NUP98: variants seen among roughly 807,000 people sequenced by gnomAD.
NUP98 encodes the protein nuclear pore complex protein Nup98-Nup96.
In NUP98, 26 loss-of-function variants were observed where a neutral mutation model predicts 191.9. The observed-to-expected ratio is 0.14, with a 90% confidence interval of 0.10 to 0.19. The LOEUF is 0.19. Ranked by LOEUF, NUP98 falls within the 10% of genes least tolerant of loss-of-function variation. The pLI, the probability that NUP98 is intolerant of heterozygous loss-of-function variation, is 1.00. For synonymous variants in NUP98, 808 were observed against 778.4 expected, an observed-to-expected ratio of 1.04 and a Z score of -0.63; for missense variants, 1,941 against 2,178.8, an observed-to-expected ratio of 0.89 and a Z score of 2.17.
At chr11:3,785,462 T>C (rs148195344) in intron 1 of NUP98, among the ~76,000 whole-genome samples, 39 of 152,246 alleles carry the variant, frequency 2.6e-4, no homozygotes, top group African/African-American at 8.9e-4. Context: ...TTACTTCCTC[T>C]ATTAACAATA....
At chr11:3,717,938 T>C (rs1333269962) in intron 18 of NUP98, among the ~76,000 whole-genome samples, 2 of 152,104 alleles carry the variant, frequency 1.3e-5, no homozygotes, top group Non-Finnish European at 2.9e-5. Context: ...CTTTTGGCCA[T>C]GATGTGTAAT....
intron 28 of NUP98, among the ~76,000 whole-genome samples, chr11:3,688,361 G>A (rs927605288): frequency 7.9e-5 from 12 of 151,694 alleles, no homozygotes; most frequent in South Asian, 6.3e-4. Flanking sequence ...AGCCTAGTTC[G>A]CGCCACTGCA....
chr11:3,780,972 C>A, intron 2 of NUP98, among the ~76,000 whole-genome samples: 1 of 151,080 alleles, frequency 6.6e-6, no homozygotes. Context: ...CCCAGCTACT[C>A]GGGGGGCTGA....
chr11:3,778,198 C>CACAA (rs780046817), intron 4 of NUP98, among the ~76,000 whole-genome samples: 1 of 60,542 alleles, frequency 1.7e-5, no homozygotes, highest in African/African-American at 5.9e-5. Flanking sequence ...GACTCCATCT[C>CACAA]AAAAAAAAAA....
chr11:3,773,088 C>A (rs2081585222), intron 6 of NUP98, among the ~76,000 whole-genome samples: 1 of 152,082 alleles, frequency 6.6e-6, no homozygotes, highest in Non-Finnish European at 1.5e-5. Context: ...CCCAGTGTAA[C>A]AGAAGCAACA....
chr11:3,675,014 AG>A (rs2077763541), downstream of NUP98: 3 of 168,280 alleles, frequency 1.8e-5, no homozygotes, highest in Admixed American at 1.3e-4. Context: ...AGCCAATACC[AG>A]GAATGCTATA....
At chr11:3,738,087 C>CAAAAAAAAA (rs61502115) in intron 12 of NUP98, among the ~76,000 whole-genome samples, 141 of 69,724 alleles carry the variant, frequency 2.0e-3, no homozygotes, top group African/African-American at 6.7e-3. Context: ...TGGGCGTTCT[C>CAAAAAAAAA]AAAAAAAAAA....
At chr11:3,779,840 A>C (rs2081892478) in intron 2 of NUP98, among the ~76,000 whole-genome samples, 1 of 151,792 alleles carries the variant, frequency 6.6e-6, no homozygotes, top group African/African-American at 2.4e-5. Context: ...GTTAAAAAAA[A>C]GTGCTGGCCG....
At chr11:3,712,081 A>G in intron 20 of NUP98, 1 of 1,051,400 alleles carries the variant, frequency 9.5e-7, no homozygotes, top group Non-Finnish European at 1.1e-6. Flanking sequence ...GTACTATTAA[A>G]ATACAAATAT....
intron 12 of NUP98, among the ~76,000 whole-genome samples, chr11:3,742,036 G>A (rs1176137176): frequency 6.6e-6 from 1 of 152,212 alleles, no homozygotes; most frequent in Admixed American, 6.5e-5. Context: ...GGACATAGCA[G>A]TTCTCACTGA....
intron 11 of NUP98, among the ~76,000 whole-genome samples, chr11:3,747,642 T>A (rs1327904268): frequency 6.6e-6 from 1 of 152,206 alleles, no homozygotes; most frequent in Non-Finnish European, 1.5e-5. Flanking sequence ...ATCTTATGTA[T>A]CTGTACATTT....
In NUP98 at chr11:3,676,563, T is replaced by C. The variant is rs768977660; in HGVS notation, c.5131A>G (p.Ser1711Gly). Residue 1711 changes from serine (S) to glycine (G), a missense_variant, in exon 32 of 33, where the codon AGT becomes GGT. By Grantham distance (56) the Ser-to-Gly change is moderately conservative. Around this residue, in one of 6 missense-constraint regions of NUP98, gnomAD observed 1,030 missense variants for 1,115.8 expected, o/e 0.92. Coordinates refer to ENST00000324932, the MANE Select transcript of NUP98 (RefSeq NM_016320.5). ...QLHIKVTSLCSRIEQIQCYSA... is the reference protein window; with the variant it reads ...QLHIKVTSLCGRIEQIQCYSA... ...TAACACTGAATCTGCTCTATCCGAC[T>C]GCACAGTGAAGTCACTTTGATGTGT... 10 of 1,614,234 alleles carry C rather than the reference T, an allele frequency of 6.2e-6. No individual in the cohort carries two copies. Among genetic ancestry groups the C allele is most frequent in the Admixed American group, 1.7e-5 (1 of 60,026 alleles).
rs72844304 is a variant in NUP98 at position 3,782,127 on chromosome 11, G to T, written c.-10C>A. The T allele has an allele frequency of 9.2e-3, 14,646 of 1,600,090 alleles. 94 individuals carry two copies. The highest frequency in any genetic ancestry group is 0.011 in the Non-Finnish European group (12,980 of 1,170,534). On this transcript the variant is annotated 5_prime_UTR_variant, in exon 2 of 33. Transcript: ENST00000324932. ...ATGATTTGTTAAACATCTTCAAAATGAGTCTTTGTTTCAGAAAGCTGGGAA... is the reference window on the plus strand; with the variant it reads ...ATGATTTGTTAAACATCTTCAAAATTAGTCTTTGTTTCAGAAAGCTGGGAA...
chr11:3,677,979 T>TACACAC (rs35187001), intron 31 of NUP98, among the ~76,000 whole-genome samples: 2 of 150,672 alleles, frequency 1.3e-5, no homozygotes, highest in East Asian at 2.0e-4. Context: ...TCTACTAAAA[T>TACACAC]ACACACACAC....
At chr11:3,792,840 C>T (rs904940549) in intron 1 of NUP98, among the ~76,000 whole-genome samples, 3 of 152,044 alleles carry the variant, frequency 2.0e-5, no homozygotes, top group Non-Finnish European at 2.9e-5. Context: ...GGTTTGAGGC[C>T]GGGCACGGTG....
chr11:3,712,146 C>G, intron 20 of NUP98: 1 of 1,063,494 alleles, frequency 9.4e-7, no homozygotes, highest in Non-Finnish European at 1.1e-6. Flanking sequence ...ATTAAAAACC[C>G]TTTCAGAAAG....
chr11:3,683,307 G>A lies in NUP98; in HGVS notation c.4811C>T (p.Ala1604Val). The A allele has an allele frequency of 6.2e-7, 1 of 1,614,160 alleles. No individual in the cohort carries two copies. The highest frequency in any genetic ancestry group is 8.5e-7 in the Non-Finnish European group (1 of 1,180,032). ...GTCAGATTCCATGTGTGCTCGCACA[G>A]CTTTGGCCTCGTGGATCCATTTGGC... Reference protein sequence around the residue: ...VPAKWIHEAKAVRAHMESDKH... With the variant: ...VPAKWIHEAKVVRAHMESDKH... Residue 1604 changes from alanine to valine, a missense_variant, in exon 30 of 33, where the codon GCT (alanine) becomes GTT (valine). By Grantham distance (64) the Ala-to-Val change is moderately conservative. This residue lies in a region of NUP98 where 1,030 missense variants were observed against 1,115.8 expected (regional missense o/e 0.92). Coordinates refer to ENST00000324932, the MANE Select transcript of NUP98 (RefSeq NM_016320.5).
At chr11:3,782,668 A>G (rs10835081) in intron 1 of NUP98, among the ~76,000 whole-genome samples, 150,504 of 150,504 alleles carry the variant, frequency 1, 75,252 homozygotes, top group Non-Finnish European at 1. Context: ...CTCAGTCTCA[A>G]AGTACCTGGG....
At position 3,735,320 on chromosome 11, in the gene NUP98, C is replaced by T; in HGVS notation, c.1413G>A (p.Leu471=). 7.0e-7 allele frequency: 1 copy of T among 1,429,838 alleles called. No individual in the cohort carries two copies. The highest frequency in any genetic ancestry group is 9.2e-7 in the Non-Finnish European group (1 of 1,089,644). The allele number at this position is 1,429,838 out of a possible 1,614,324, so 88.6% of individuals were successfully genotyped here. Residue 471 remains leucine (L), a synonymous_variant, in exon 13 of 33, where the codon TTG becomes TTA. Transcript: ENST00000324932. ...GGGCAGCAGAAGCATTTGGATCTGT[C>T]AAAGCTTTTAAAAAAAAAAAAAGAA... ...GFGAPQAPVA[L]TDPNASAAQQ...
Sources: allele counts gnomAD v4.1 joint callset (sites outside exome capture counted in the v4.1 genomes callset), GRCh38; gene constraint gnomAD v4.1.1; regional missense constraint gnomAD v4.1.1; transcripts MANE v1.5; gene names NCBI Gene and HGNC (gene_info 2026-07-23, HGNC 2026-07-21).